Variants in PRKG1 observed in about 807,000 individuals in gnomAD.
PRKG1 encodes the protein cGMP-dependent protein kinase 1.
Under a neutral mutation model 88.1 loss-of-function variants are expected in PRKG1, and 35 were observed. The observed-to-expected ratio is 0.40, with a 90% CI of 0.30 to 0.53. The LOEUF (loss-of-function observed/expected upper bound fraction) is 0.53, where lower values mean the gene tolerates loss of function less well. PRKG1 is among the 20% of genes least tolerant of loss of function. PRKG1 has a pLI of 0.59. For synonymous variants in PRKG1, 303 were observed against 292.5 expected (o/e 1.04, Z -0.37); for missense variants, 540 against 839.8 (o/e 0.64, Z 4.41).
chr10:51,146,092 G>A (rs1433199028), intron 1 of PRKG1, among the ~76,000 whole-genome samples: 1 of 151,998 alleles, frequency 6.6e-6, no homozygotes, highest in African/African-American at 2.4e-5. Context: ...TGGAGGCTGA[G>A]GCAGGAGAAT....
intron 1 of PRKG1, among the ~76,000 whole-genome samples, chr10:51,016,987 C>A (rs995835803): frequency 1.3e-5 from 2 of 151,384 alleles, no homozygotes; most frequent in African/African-American, 4.9e-5. Context: ...ATTTTTAAGA[C>A]CAAAAAAACT....
intron 3 of PRKG1, among the ~76,000 whole-genome samples, chr10:51,585,081 C>G (rs182010487): frequency 6.6e-6 from 1 of 152,024 alleles, no homozygotes; most frequent in African/African-American, 2.4e-5. Flanking sequence ...CTCCTGGTCT[C>G]TTCTGTCAAG....
In PRKG1 at chr10:51,278,905, C is replaced by G. The variant is rs554306250; in HGVS notation, c.478+125575C>G. On this transcript the variant is annotated intron_variant, in intron 2 of 17. Coordinates refer to ENST00000373980, the MANE Select transcript of PRKG1 (RefSeq NM_006258.4). ...TTTATTGATCTTTTCAAAAAACCAG[C>G]TCCTGGATTCATTGATTTTTTTGAA... is the stretch of plus-strand genomic sequence containing the variant. Among the ~76,000 whole-genome samples the G allele has an allele frequency of 7.3e-3, 1,112 of 152,248 alleles. 10 individuals are homozygous for G. Among genetic ancestry groups the G allele is most frequent in the African/African-American group, 0.025 (1,050 of 41,548 alleles).
rs375480126 is a variant in PRKG1, at chr10:52,064,694, T to G, written c.935+2063T>G. 2.1e-4 allele frequency among the ~76,000 whole-genome samples: 32 copies of G among 152,256 alleles called. No individual in the cohort carries two copies. The East Asian group carries it at 6.0e-3, about 29-fold the overall frequency. On this transcript the variant is annotated intron_variant, in intron 7 of 17. Transcript: ENST00000373980. ...AGCACAGGGATGCCTGGGCCCACAG[T>G]CGTGGCTTAGGCAGCTGCAGTGGTA...
chr10:51,649,623 G>T (rs1839991798), intron 3 of PRKG1, among the ~76,000 whole-genome samples: 1 of 152,164 alleles, frequency 6.6e-6, no homozygotes, highest in African/African-American at 2.4e-5. Context: ...TTTGAACAAA[G>T]AATTGGACAA....
chr10:51,003,287 G>A (rs1051254112), intron 1 of PRKG1, among the ~76,000 whole-genome samples: 2 of 152,156 alleles, frequency 1.3e-5, no homozygotes, highest in African/African-American at 4.8e-5. Flanking sequence ...GATCTTTCTA[G>A]TTTGTTATCT....
chr10:51,614,051 T>A (rs1477122515), intron 3 of PRKG1, among the ~76,000 whole-genome samples: 1 of 152,124 alleles, frequency 6.6e-6, no homozygotes, highest in South Asian at 2.1e-4. Flanking sequence ...GTTGTTGCTT[T>A]TTTTGTCTAA....
intron 2 of PRKG1, among the ~76,000 whole-genome samples, chr10:51,397,123 G>GT (rs1412367485): frequency 2.9e-5 from 4 of 138,910 alleles, no homozygotes; most frequent in Admixed American, 7.1e-5. Context: ...TGATTACTGA[G>GT]TATTTTTTTT....
At chr10:52,255,183 A>G (rs903367370) in intron 10 of PRKG1, among the ~76,000 whole-genome samples, 5 of 152,088 alleles carry the variant, frequency 3.3e-5, no homozygotes, top group African/African-American at 1.2e-4. Flanking sequence ...TTATTAATTA[A>G]AGCTCTAAGC....
At chr10:52,240,455 A>T (rs1010787308) in intron 9 of PRKG1, among the ~76,000 whole-genome samples, 4 of 152,194 alleles carry the variant, frequency 2.6e-5, no homozygotes, top group African/African-American at 9.6e-5. Context: ...CCATAAGTAT[A>T]AGCTAAGGAA....
intron 1 of PRKG1, among the ~76,000 whole-genome samples, chr10:51,099,533 C>T (rs1208782127): frequency 6.6e-6 from 1 of 151,978 alleles, no homozygotes; most frequent in Non-Finnish European, 1.5e-5. Flanking sequence ...TGTTCCTTAT[C>T]CTCTGGGAAA....
intron 4 of PRKG1, among the ~76,000 whole-genome samples, chr10:51,815,010 T>C (rs1162458971): frequency 6.6e-6 from 1 of 152,144 alleles, no homozygotes; most frequent in Non-Finnish European, 1.5e-5. Context: ...AAAGACTAAG[T>C]CCTCAGCTAA....
chr10:52,294,962 C>G lies in PRKG1; in HGVS notation c.*1062C>G, dbSNP rs754328365. On this transcript the variant is annotated 3_prime_UTR_variant, in exon 18 of 18. Transcript: ENST00000373980. ...GTAGCCAGAAACTCAAGCATTTTCACTAAAGTTATTAAACCAAACTCCTGT... is the reference window on the plus strand; with the variant it reads ...GTAGCCAGAAACTCAAGCATTTTCAGTAAAGTTATTAAACCAAACTCCTGT... 1.5e-4 allele frequency: 23 copies of G among 152,548 alleles called. No homozygotes were observed. Among genetic ancestry groups the G allele is most frequent in the Non-Finnish European group, 1.6e-4 (11 of 68,020 alleles). The allele number at this position is 152,548 out of a possible 1,614,324, so 9.4% of individuals were successfully genotyped here.
intron 2 of PRKG1, among the ~76,000 whole-genome samples, chr10:51,464,000 G>A (rs1299710996): frequency 3.3e-5 from 5 of 152,108 alleles, no homozygotes; most frequent in South Asian, 2.1e-4. Context: ...GACGGGGTGC[G>A]ATAGCTCACG....
chr10:51,101,967 C>T (rs948248094), intron 1 of PRKG1, among the ~76,000 whole-genome samples: 13 of 152,156 alleles, frequency 8.5e-5, no homozygotes, highest in African/African-American at 1.2e-4. Flanking sequence ...TGCCCAGTGG[C>T]GTGCTGGCAA....
At chr10:52,189,672 T>C (rs1205549030) in intron 9 of PRKG1, among the ~76,000 whole-genome samples, 1 of 152,150 alleles carries the variant, frequency 6.6e-6, no homozygotes, top group Non-Finnish European at 1.5e-5. Flanking sequence ...ACAAAACCAG[T>C]CCCTGATGCC....
chr10:51,422,185 AC>A, intron 2 of PRKG1, among the ~76,000 whole-genome samples: 1 of 152,214 alleles, frequency 6.6e-6, no homozygotes, highest in East Asian at 1.9e-4. Flanking sequence ...ATTTGCCCAA[AC>A]AACCTGAGTT....
chr10:51,279,282 T>G (rs1047334829), intron 2 of PRKG1, among the ~76,000 whole-genome samples: 1 of 152,238 alleles, frequency 6.6e-6, no homozygotes, highest in Non-Finnish European at 1.5e-5. Context: ...AGTTTCTTAA[T>G]CCTGAGTTCT....
chr10:52,141,533 T>C (rs1461923081), intron 8 of PRKG1, among the ~76,000 whole-genome samples: 2 of 152,168 alleles, frequency 1.3e-5, no homozygotes, highest in African/African-American at 4.8e-5. Flanking sequence ...AGACATCTAG[T>C]ATTTGGGGGT....
Sources: allele counts gnomAD v4.1 joint callset (sites outside exome capture counted in the v4.1 genomes callset), GRCh38; gene constraint gnomAD v4.1.1; transcripts MANE v1.5; gene names NCBI Gene and HGNC (gene_info 2026-07-23, HGNC 2026-07-21).